Variants in COL4A4 observed in about 807,000 individuals in gnomAD.
COL4A4 encodes collagen type IV alpha 4 chain.
In COL4A4, 105 loss-of-function variants were observed where a neutral mutation model predicts 192.9. The ratio of observed to expected loss-of-function variants is 0.54; its 90% confidence interval spans 0.46 to 0.64. The LOEUF is 0.64. COL4A4 is among the 30% of genes least tolerant of loss of function. The pLI is 0.00. For synonymous variants in COL4A4, 762 were observed against 769.9 expected, an observed-to-expected ratio of 0.99 and a Z score of 0.17; for missense variants, 1,967 against 2,169.3, an observed-to-expected ratio of 0.91 and a Z score of 1.85.
At chr2:226,974,400 G>A in the COL4A4 span, among the ~76,000 whole-genome samples, 1 of 151,960 alleles carries the variant, frequency 6.6e-6, no homozygotes, top group African/African-American at 2.4e-5. Flanking sequence ...ACTGGGCCTG[G>A]CTAATTTTTT....
intron 12 of COL4A4, among the ~76,000 whole-genome samples, chr2:227,106,052 A>T (rs2060821357): frequency 1.3e-5 from 2 of 151,760 alleles, no homozygotes; most frequent in South Asian, 4.2e-4. Context: ...AAATAGAAAA[A>T]AAAAAAAGAG....
At chr2:227,058,571 C>G (rs1976089794) in intron 28 of COL4A4, among the ~76,000 whole-genome samples, 1 of 152,128 alleles carries the variant, frequency 6.6e-6, no homozygotes, top group Non-Finnish European at 1.5e-5. Context: ...TGCTAATGTA[C>G]TCTAGTGGAT....
intron 1 of COL4A4, among the ~76,000 whole-genome samples, chr2:227,157,876 GA>G (rs891410167): frequency 4.0e-5 from 6 of 151,676 alleles, no homozygotes; most frequent in Non-Finnish European, 8.8e-5. Context: ...TCTGAATATA[GA>G]AAAAAAGAGA....
intron 25 of COL4A4, among the ~76,000 whole-genome samples, chr2:227,070,347 G>C (rs2058636583): frequency 6.6e-6 from 1 of 152,084 alleles, no homozygotes. Context: ...AATACCATTT[G>C]AACCAGCCAT....
At chr2:226,973,080 T>G in the COL4A4 span, among the ~76,000 whole-genome samples, 8 of 152,216 alleles carry the variant, frequency 5.3e-5, no homozygotes, top group African/African-American at 1.9e-4. Context: ...GCTGCCATCC[T>G]TCCTCACAGA....
chr2:227,112,600 TCACTTAATGC>T (rs2061277832), intron 8 of COL4A4, among the ~76,000 whole-genome samples: 1 of 152,186 alleles, frequency 6.6e-6, no homozygotes, highest in African/African-American at 2.4e-5. Context: ...TACAGGTAGT[TCACTTAATGC>T]CACTTAAGTG....
intron 25 of COL4A4, among the ~76,000 whole-genome samples, chr2:227,075,701 C>A (rs956317611): frequency 1.3e-5 from 2 of 152,134 alleles, no homozygotes; most frequent in Non-Finnish European, 2.9e-5. Context: ...GTCAAATTGT[C>A]TCTGTTTGCA....
At chr2:227,041,750 GGAA>G (rs1440018998) in intron 37 of COL4A4, among the ~76,000 whole-genome samples, 2 of 108,228 alleles carry the variant, frequency 1.8e-5, no homozygotes, top group African/African-American at 3.7e-5. Context: ...AAGGAAGGAA[GGAA>G]GGAAGGAAGG....
intron 43 of COL4A4, among the ~76,000 whole-genome samples, chr2:227,024,232 C>CGGGCATGG (rs1325229049): frequency 6.6e-6 from 1 of 152,138 alleles, no homozygotes; most frequent in Non-Finnish European, 1.5e-5. Flanking sequence ...ATCATCTGGC[C>CGGGCATGG]GGGCATGGTG....
intron 11 of COL4A4, 28 bp downstream of exon 11, chr2:227,108,805 T>G: frequency 6.2e-7 from 1 of 1,609,116 alleles, no homozygotes; most frequent in African/African-American, 1.3e-5. Context: ...CAGGGCTCTA[T>G]TGATGTATCT....
At chr2:227,059,335 A>T (rs2150271840) in intron 28 of COL4A4, 70 bp downstream of exon 28, 1 of 1,285,502 alleles carries the variant, frequency 7.8e-7, no homozygotes. Context: ...AATAATCTAA[A>T]CGTTCTTCAG....
At chr2:227,060,719 T>C (rs1176768713) in intron 26 of COL4A4, among the ~76,000 whole-genome samples, 1 of 132,524 alleles carries the variant, frequency 7.5e-6, no homozygotes, top group Admixed American at 8.5e-5. Flanking sequence ...CAAAAAGTAA[T>C]AGAGAATTTT....
In COL4A4 at chr2:227,047,456, G is replaced by GA; in HGVS notation, c.3289+18dup. On this transcript the variant is annotated intron_variant, in intron 35 of 47. Transcript: ENST00000396625. ...TAAACTACTTTTTTTGTTTTAGTAA[G>GA]AAAAATATGCAGCTATACCTGGACA... 6.2e-7 allele frequency: 1 copy of GA among 1,600,414 alleles called. No individual in the cohort carries two copies.
rs137881613 is a variant in COL4A4, at chr2:227,034,118, G to A, written c.3506-637C>T. Among the ~76,000 whole-genome samples, 892 of 152,302 alleles carry A rather than the reference G, an allele frequency of 5.9e-3. 9 individuals carry two copies. The highest frequency in any genetic ancestry group is 0.021 in the African/African-American group (860 of 41,562). On this transcript the variant is annotated intron_variant, in intron 37 of 47. Coordinates refer to ENST00000396625, the MANE Select transcript of COL4A4 (RefSeq NM_000092.5). ...TTTGCGATGATCACTGAAAACTCCC[G>A]TCTGTGTAAACAGACATTACCCCAC...
Position 227,033,299 on chromosome 2 carries a change from TCAG to T in COL4A4, c.3577+108_3577+110del. The T allele has an allele frequency of 5.6e-6, 5 of 897,344 alleles. No individual in the cohort carries two copies. The Admixed American group carries it at 6.0e-5, about 11-fold the overall frequency. 55.6% of individuals were successfully genotyped at this position (897,344 alleles called of 1,614,324 possible). A position where few individuals can be genotyped will look rare whatever the true frequency, so the allele number is the denominator to read the frequency against. ...TGTCTCTAACCTAAGCCAGTTTTTT[TCAG>T]TTTTGCCTCCAAATCTCATGAAGTG... On this transcript the variant is annotated intron_variant, in intron 38 of 47. Coordinates refer to ENST00000396625, the MANE Select transcript of COL4A4 (RefSeq NM_000092.5).
chr2:227,135,797 C>A (rs1356740811), intron 4 of COL4A4, among the ~76,000 whole-genome samples: 1 of 152,168 alleles, frequency 6.6e-6, no homozygotes, highest in East Asian at 1.9e-4. Context: ...CGCCCGCCAC[C>A]ATGCCTGGCT....
chr2:227,060,113 A>AAAAAG (rs1553644205), intron 27 of COL4A4, 23 bp downstream of exon 27: 7 of 1,269,840 alleles, frequency 5.5e-6, no homozygotes, highest in Non-Finnish European at 7.7e-6. Flanking sequence ...AAAAAAAAAA[A>AAAAAG]AAAAAAAAAA....
At chr2:227,049,525 AT>A (rs1189156098) in intron 34 of COL4A4, among the ~76,000 whole-genome samples, 1 of 152,216 alleles carries the variant, frequency 6.6e-6, no homozygotes, top group Non-Finnish European at 1.5e-5. Context: ...TAGGAAAAAA[AT>A]ATTTTGCTAT....
At chr2:227,024,593 A>T (rs1966646132) in intron 43 of COL4A4, among the ~76,000 whole-genome samples, 1 of 152,278 alleles carries the variant, frequency 6.6e-6, no homozygotes, top group South Asian at 2.1e-4. Flanking sequence ...ATCATAAAGC[A>T]CTAAGAAAAT....
Sources: allele counts gnomAD v4.1 joint callset (sites outside exome capture counted in the v4.1 genomes callset), GRCh38; gene constraint gnomAD v4.1.1; transcripts MANE v1.5; gene names NCBI Gene and HGNC (gene_info 2026-07-23, HGNC 2026-07-21).